TTC7A: variants seen among roughly 807,000 people sequenced by gnomAD.
TTC7A encodes tetratricopeptide repeat domain 7A.
A neutral mutation model predicts 103.7 loss-of-function variants in TTC7A; 110 were observed. The ratio of observed to expected loss-of-function variants is 1.06; its 90% confidence interval spans 0.91 to 1.24. The LOEUF is 1.24. Ranked by LOEUF, TTC7A falls within the 50% of genes most tolerant of loss-of-function variation. The pLI, the probability that TTC7A is intolerant of heterozygous loss-of-function variation, is 0.00. For synonymous variants in TTC7A, 521 were observed against 467.9 expected, an observed-to-expected ratio of 1.11 and a Z score of -1.47; for missense variants, 1,340 against 1,116.3, an observed-to-expected ratio of 1.20 and a Z score of -2.86.
chr2:47,073,350 C>G (rs1177184304), intron 19 of TTC7A, among the ~76,000 whole-genome samples: 1 of 152,134 alleles, frequency 6.6e-6, no homozygotes, highest in Admixed American at 6.5e-5. Flanking sequence ...GTGATTTTTC[C>G]CATTTACAGA....
intron 10 of TTC7A, among the ~76,000 whole-genome samples, chr2:47,008,105 C>T (rs922284637): frequency 2.5e-4 from 38 of 152,122 alleles, no homozygotes; most frequent in African/African-American, 8.9e-4. Flanking sequence ...GCTGGATCTT[C>T]CATGGAGCCT....
chr2:47,051,619 C>G, intron 17 of TTC7A, 127 bp from the exon 18 acceptor site: 1 of 1,251,610 alleles, frequency 8.0e-7, no homozygotes, highest in Non-Finnish European at 1.1e-6. Context: ...TCTGGCTGCC[C>G]AGCCGCACCA....
At chr2:46,951,706 C>T (rs1671431928) in intron 2 of TTC7A, 1 of 454,588 alleles carries the variant, frequency 2.2e-6, no homozygotes, top group African/African-American at 2.0e-5. Context: ...GCACTGCGCC[C>T]AGCTGATTTT....
chr2:47,051,986 TAGG>T, intron 18 of TTC7A, 106 bp downstream of exon 18: 1 of 1,420,984 alleles, frequency 7.0e-7, no homozygotes, highest in African/African-American at 1.4e-5. Context: ...GACACCTTGC[TAGG>T]CCCACGCGGG....
chr2:46,984,420 T>C (rs1674792955), intron 5 of TTC7A, among the ~76,000 whole-genome samples: 1 of 152,292 alleles, frequency 6.6e-6, no homozygotes, highest in African/African-American at 2.4e-5. Flanking sequence ...CTAGTTGGCT[T>C]TCTCCCCTCT....
exon 1 of TTC7A, chr2:46,916,230 G>A (rs567672783): frequency 1.1e-6 from 1 of 894,210 alleles, no homozygotes; most frequent in South Asian, 5.1e-5. Flanking sequence ...TAATAGGAAT[G>A]CTAATTCCTT....
At chr2:47,037,173 T>G (rs547576350) in intron 15 of TTC7A, among the ~76,000 whole-genome samples, 1 of 150,992 alleles carries the variant, frequency 6.6e-6, no homozygotes, top group East Asian at 1.9e-4. Flanking sequence ...GAACCACTCA[T>G]TTGAGTACCA....
At position 47,059,035 on chromosome 2, in the gene TTC7A, T is replaced by G. The variant is rs1683554730; in HGVS notation, c.2153-1734T>G. On this transcript the variant is annotated intron_variant, in intron 18 of 19. Coordinates refer to ENST00000319190, the MANE Select transcript of TTC7A (RefSeq NM_020458.4). Reference sequence around the variant, plus strand: ...TTTTTTTTTTTTTTTTTTTTTTTTTTTTTTGAGATGGAGTCTCACTCTGTC... The same window carrying G: ...TTTTTTTTTTTTTTTTTTTTTTTTTGTTTTGAGATGGAGTCTCACTCTGTC... 4.3e-5 allele frequency among the ~76,000 whole-genome samples: 6 copies of G among 140,122 alleles called. No individual in the cohort carries two copies. In the South Asian group the frequency reaches 1.2e-3, roughly 27 times the overall value. The allele number at this position is 140,122 out of a possible 152,430, so 91.9% of individuals were successfully genotyped here.
At chr2:47,049,485 T>G (rs1206291727) in intron 16 of TTC7A, among the ~76,000 whole-genome samples, 1 of 151,994 alleles carries the variant, frequency 6.6e-6, no homozygotes, top group Non-Finnish European at 1.5e-5. Flanking sequence ...GGGGACCCCC[T>G]GGCAGCCCAA....
intron 18 of TTC7A, among the ~76,000 whole-genome samples, chr2:47,057,408 C>G (rs1198544902): frequency 6.6e-6 from 1 of 152,214 alleles, no homozygotes; most frequent in African/African-American, 2.4e-5. Flanking sequence ...AGGCCCTGGC[C>G]TCTGGAAGAA....
chr2:46,983,701 C>T (rs1048117162), intron 5 of TTC7A, among the ~76,000 whole-genome samples: 1 of 152,248 alleles, frequency 6.6e-6, no homozygotes, highest in Non-Finnish European at 1.5e-5. Context: ...TAGAACACAG[C>T]CATGCCCCTT....
At chr2:46,956,778 G>C in intron 2 of TTC7A, 61 bp from the exon 3 acceptor site, 2 of 1,591,170 alleles carry the variant, frequency 1.3e-6, no homozygotes, top group Non-Finnish European at 1.7e-6. Flanking sequence ...AGGTTCAGTG[G>C]GGGTGTTCAC....
At chr2:47,057,777 C>T (rs530494494) in intron 18 of TTC7A, among the ~76,000 whole-genome samples, 10 of 152,348 alleles carry the variant, frequency 6.6e-5, no homozygotes, top group South Asian at 2.1e-4. Flanking sequence ...AAGGCCTCTG[C>T]AGCCTTCAGG....
intron 5 of TTC7A, among the ~76,000 whole-genome samples, chr2:46,992,117 G>A (rs1390979628): frequency 1.3e-5 from 2 of 152,172 alleles, no homozygotes; most frequent in African/African-American, 4.8e-5. Flanking sequence ...TTCTGAATTC[G>A]CCAGCCCAGC....
chr2:46,991,197 T>G (rs1243143690), intron 5 of TTC7A, among the ~76,000 whole-genome samples: 1 of 151,850 alleles, frequency 6.6e-6, no homozygotes, highest in Non-Finnish European at 1.5e-5. Flanking sequence ...ATTATAGGCA[T>G]GAGCCACCAC....
At chr2:47,015,305 A>G (rs561991625) in intron 11 of TTC7A, among the ~76,000 whole-genome samples, 2 of 152,374 alleles carry the variant, frequency 1.3e-5, no homozygotes, top group South Asian at 4.1e-4. Context: ...TGAAACCTTT[A>G]CAGGAGGCAA....
intron 5 of TTC7A, among the ~76,000 whole-genome samples, chr2:46,980,772 A>G (rs1236068878): frequency 6.6e-6 from 1 of 152,212 alleles, no homozygotes; most frequent in African/African-American, 2.4e-5. Flanking sequence ...CAGGTTACCA[A>G]CAACTTCTGT....
chr2:46,941,598 C>CT lies in TTC7A; in HGVS notation c.58dup (p.Cys20LeufsTer28). 4 of 1,557,186 alleles carry CT rather than the reference C, an allele frequency of 2.6e-6. No individual in the cohort carries two copies. The highest frequency in any genetic ancestry group is 3.5e-6 in the Non-Finnish European group (4 of 1,151,092). On this transcript the variant is annotated frameshift_variant, in exon 1 of 20. Transcript: ENST00000319190. LOFTEE classifies it high-confidence loss of function. The surrounding 1 kb of genome is among the most constrained non-coding windows in gnomAD (Gnocchi z 4.2). ...TGAAGGTGGAGAGCGAGCTGGAGCG[C>CT]TGCCGCGCCGAGGGCCACTGGGACC...
chr2:46,965,189 C>A (rs1196284464), intron 3 of TTC7A, among the ~76,000 whole-genome samples: 1 of 152,230 alleles, frequency 6.6e-6, no homozygotes, highest in African/African-American at 2.4e-5. Flanking sequence ...GTCAGTGCAA[C>A]CCCAAGGTAT....
Sources: gnomAD v4.1 joint callset for allele counts (sites outside exome capture counted in the v4.1 genomes callset) on GRCh38, gnomAD v4.1.1 for gene constraint, Gnocchi (gnomAD v3.1) non-coding constraint, MANE v1.5 for transcripts, NCBI Gene and HGNC (gene_info 2026-07-23, HGNC 2026-07-21) for gene names.